OXR1: variants seen among roughly 807,000 people sequenced by gnomAD.
OXR1 encodes the protein oxidation resistance 1.
A neutral mutation model predicts 104.6 loss-of-function variants in OXR1; 41 were observed. The ratio of observed to expected loss-of-function variants is 0.39; its 90% CI spans 0.31 to 0.51. The LOEUF is 0.51. OXR1 is among the 20% of genes least tolerant of loss of function. OXR1 has a pLI of 0.77. For missense variants in OXR1, 955 were observed against 1,031.9 expected (o/e 0.93, Z 1.02); for synonymous variants, 348 against 348.4 (o/e 1.00, Z 0.01).
intron 2 of OXR1, among the ~76,000 whole-genome samples, chr8:106,437,475 C>G (rs1819624097): frequency 6.6e-6 from 1 of 152,076 alleles, no homozygotes; most frequent in Non-Finnish European, 1.5e-5. Context: ...TGGTCTTTAT[C>G]AACAACTCAC....
intron 2 of OXR1, among the ~76,000 whole-genome samples, chr8:106,458,412 C>T (rs891797131): frequency 3.3e-5 from 5 of 152,158 alleles, no homozygotes; most frequent in African/African-American, 9.7e-5. Flanking sequence ...GCTAATTCTA[C>T]AGACATGCAG....
At chr8:106,727,284 G>A (rs926010475) in intron 11 of OXR1, among the ~76,000 whole-genome samples, 4 of 151,908 alleles carry the variant, frequency 2.6e-5, no homozygotes, top group Admixed American at 2.0e-4. Flanking sequence ...AGTTTGCAAA[G>A]ACTTCAATAC....
chr8:106,593,584 C>G (rs951400852), intron 3 of OXR1, among the ~76,000 whole-genome samples: 1 of 152,046 alleles, frequency 6.6e-6, no homozygotes, highest in Non-Finnish European at 1.5e-5. Flanking sequence ...CGAGACCATC[C>G]TGGCTAACAC....
At chr8:106,532,111 G>A (rs1318149819) in intron 3 of OXR1, among the ~76,000 whole-genome samples, 1 of 152,170 alleles carries the variant, frequency 6.6e-6, no homozygotes, top group Non-Finnish European at 1.5e-5. Context: ...GAGAGGAGAG[G>A]GAGTCTTGTG....
intron 2 of OXR1, among the ~76,000 whole-genome samples, chr8:106,376,399 A>C (rs1816907832): frequency 2.6e-5 from 4 of 152,188 alleles, no homozygotes. Flanking sequence ...ATTGTAGAGA[A>C]TTTTGTAGAA....
intron 3 of OXR1, among the ~76,000 whole-genome samples, chr8:106,651,133 G>A (rs1824534866): frequency 6.6e-6 from 1 of 152,200 alleles, no homozygotes; most frequent in South Asian, 2.1e-4. Flanking sequence ...CAAAACGGTA[G>A]TACCATTATT....
At chr8:106,329,004 AT>A (rs757482307) in intron 1 of OXR1, among the ~76,000 whole-genome samples, 79 of 142,832 alleles carry the variant, frequency 5.5e-4, no homozygotes, top group Non-Finnish European at 9.7e-4. Flanking sequence ...GCTCACCATC[AT>A]TTTTTTCTGA....
At chr8:106,693,356 G>T (rs985931527) in intron 7 of OXR1, among the ~76,000 whole-genome samples, 7 of 151,714 alleles carry the variant, frequency 4.6e-5, no homozygotes, top group African/African-American at 7.3e-5. Flanking sequence ...AAACAGGAAG[G>T]GTTCATAGGA....
intron 2 of OXR1, among the ~76,000 whole-genome samples, chr8:106,514,982 GA>G (rs994361780): frequency 6.6e-6 from 1 of 151,910 alleles, no homozygotes; most frequent in African/African-American, 2.4e-5. Context: ...ATTTAATTTT[GA>G]AATAAAATTT....
At chr8:106,395,296 A>G (rs1318563844) in intron 2 of OXR1, among the ~76,000 whole-genome samples, 1 of 152,104 alleles carries the variant, frequency 6.6e-6, no homozygotes, top group Non-Finnish European at 1.5e-5. Flanking sequence ...TATGCACAAG[A>G]TAAAGATTTT....
intron 2 of OXR1, among the ~76,000 whole-genome samples, chr8:106,402,785 C>A (rs987161853): frequency 6.6e-6 from 1 of 152,106 alleles, no homozygotes; most frequent in Non-Finnish European, 1.5e-5. Flanking sequence ...CCAACTTCCC[C>A]TTCATTGAAA....
chr8:106,712,446 A>G (rs1831793729), intron 10 of OXR1, among the ~76,000 whole-genome samples: 1 of 152,096 alleles, frequency 6.6e-6, no homozygotes, highest in African/African-American at 2.4e-5. Flanking sequence ...ATAAATTAGA[A>G]AAAGTGCTTT....
intron 2 of OXR1, among the ~76,000 whole-genome samples, chr8:106,398,571 C>G (rs12547728): frequency 5.3e-5 from 8 of 152,062 alleles, no homozygotes; most frequent in African/African-American, 1.2e-4. Context: ...ACTAATTAGC[C>G]TCTTTTCCTT....
chr8:106,646,735 C>T (rs1446473748), intron 3 of OXR1, among the ~76,000 whole-genome samples: 2 of 152,162 alleles, frequency 1.3e-5, no homozygotes, highest in African/African-American at 4.8e-5. Flanking sequence ...GACACACACT[C>T]TCTACTGCAA....
chr8:106,512,901 A>G (rs1812631690), intron 2 of OXR1, among the ~76,000 whole-genome samples: 1 of 152,204 alleles, frequency 6.6e-6, no homozygotes, highest in African/African-American at 2.4e-5. Flanking sequence ...AGCTATTGAA[A>G]TAAAGAATTG....
intron 16 of OXR1, among the ~76,000 whole-genome samples, chr8:106,746,863 C>T (rs1835439996): frequency 6.6e-6 from 1 of 152,082 alleles, no homozygotes; most frequent in South Asian, 2.1e-4. Context: ...TCCAACAGGT[C>T]CACTCAATCT....
intron 3 of OXR1, among the ~76,000 whole-genome samples, chr8:106,554,102 G>A (rs914175715): frequency 6.6e-6 from 1 of 152,092 alleles, no homozygotes; most frequent in East Asian, 1.9e-4. Context: ...CATCCTCTAT[G>A]CCTGTGGTTC....
intron 1 of OXR1, among the ~76,000 whole-genome samples, chr8:106,294,776 G>T (rs894591347): frequency 1.3e-5 from 2 of 152,128 alleles, no homozygotes; most frequent in Non-Finnish European, 2.9e-5. Context: ...TGAGATTTGG[G>T]CAGGGACAAA....
At chr8:106,564,925 C>A (rs188370698) in intron 3 of OXR1, among the ~76,000 whole-genome samples, 2 of 152,302 alleles carry the variant, frequency 1.3e-5, no homozygotes, top group Non-Finnish European at 2.9e-5. Context: ...CGATAAAATT[C>A]AACACACCTT....
Sources: gnomAD v4.1 joint callset for allele counts (sites outside exome capture counted in the v4.1 genomes callset) on GRCh38, gnomAD v4.1.1 for gene constraint, MANE v1.5 for transcripts, NCBI Gene and HGNC (gene_info 2026-07-23, HGNC 2026-07-21) for gene names.